Variants in HSF5 observed in about 807,000 individuals in gnomAD.
HSF5 encodes the protein heat shock transcription factor 5.
HSF5 carries 5 observed loss-of-function variants against 50.8 expected under a neutral mutation model. The ratio of observed to expected loss-of-function variants is 0.10; its 90% confidence interval spans 0.05 to 0.21. The LOEUF is 0.21. HSF5 is among the 10% of genes least tolerant of loss of function. The probability of loss-of-function intolerance (pLI) is 1.00; values close to 1 mark genes in which losing one functional copy is unlikely to be tolerated. For synonymous variants in HSF5, 307 were observed against 307.4 expected (o/e 1.00, Z 0.02); for missense variants, 564 against 762.6 (o/e 0.74, Z 3.07).
intron 4 of HSF5, 73 bp from the exon 5 acceptor site, chr17:58,459,018 A>AG: frequency 1.5e-6 from 2 of 1,356,826 alleles, no homozygotes; most frequent in Non-Finnish European, 2.0e-6. Flanking sequence ...ATTTTATCAG[A>AG]GGAGTTCTAT....
chr17:58,428,275 A>G (rs551406404), intron 5 of HSF5, among the ~76,000 whole-genome samples: 10 of 152,350 alleles, frequency 6.6e-5, no homozygotes, highest in African/African-American at 2.2e-4. Context: ...TTGTTATTAT[A>G]GTTCTCAAAA....
chr17:58,431,339 A>G (rs912521895), intron 5 of HSF5, among the ~76,000 whole-genome samples: 8 of 152,230 alleles, frequency 5.3e-5, no homozygotes, highest in African/African-American at 1.7e-4. Context: ...GCAAGTTACT[A>G]TGCTGAACAC....
At chr17:58,461,243 AAC>A in intron 4 of HSF5, among the ~76,000 whole-genome samples, 1 of 151,258 alleles carries the variant, frequency 6.6e-6, no homozygotes, top group Admixed American at 6.6e-5. Context: ...CAACAACAAC[AAC>A]AACAACAACA....
chr17:58,439,190 C>T (rs1471071904), intron 5 of HSF5, among the ~76,000 whole-genome samples: 26 of 151,276 alleles, frequency 1.7e-4, no homozygotes, highest in Admixed American at 1.7e-3. Flanking sequence ...TAAGCTAAGC[C>T]CAACAGTTGA....
Position 58,463,225 on chromosome 17 carries a change from T to C in HSF5, c.1099A>G (p.Lys367Glu), listed in dbSNP as rs1408492604. The change falls in exon 4 of 6, where the codon AAG (lysine) becomes GAG (glutamate). Residue 367 changes from lysine to glutamate, a missense_variant. Physicochemically the swap from Lys to Glu is moderately conservative, Grantham distance 56. Transcript: ENST00000323777. ...ACAGCCTCTAGGTTTACTTCTGTCT[T>C]TGTATTTTCATCAGTAGTACTGCAG... ...WPCSTTDENT[K>E]TEVNLEAVFQ... 6.2e-7 allele frequency: 1 copy of C among 1,614,164 alleles called. No homozygotes were observed. Among genetic ancestry groups the C allele is most frequent in the Admixed American group, 1.7e-5 (1 of 60,028 alleles).
At position 58,461,643 on chromosome 17, in the gene HSF5, A is replaced by G. The variant is rs568517060; in HGVS notation, c.1542+1139T>C. Among the ~76,000 whole-genome samples, 8 of 152,316 alleles carry G rather than the reference A, an allele frequency of 5.3e-5. No homozygotes were observed. The South Asian group carries it at 1.7e-3, about 32-fold the overall frequency. On this transcript the variant is annotated intron_variant, in intron 4 of 5. Coordinates refer to ENST00000323777, the MANE Select transcript of HSF5 (RefSeq NM_001080439.3). ...TCCCAGCACTGTGGGAGGCCAAGGC[A>G]GGTGGATCACCTGAGGTCAGGAGTT...
chr17:58,463,023 G>A lies in HSF5; in HGVS notation c.1301C>T (p.Pro434Leu), dbSNP rs745618048. The change falls in exon 4 of 6, where the codon CCT becomes CTT. Residue 434 changes from proline (P) to leucine (L), a missense_variant. Around this residue, in one of 5 missense-constraint regions of HSF5, gnomAD observed 441 missense variants for 533.6 expected, o/e 0.83. Transcript: ENST00000323777. ...SQASQLEPLTPVGSDIMSFVV... is the reference protein window; with the variant it reads ...SQASQLEPLTLVGSDIMSFVV... The stretch of plus-strand genomic sequence containing the variant: ...AAAAGACATAATATCTGAGCCTACA[G>A]GAGTAAGTGGCTCCAGCTGGCTAGC... 1 of 1,614,214 alleles carries A rather than the reference G, an allele frequency of 6.2e-7. No homozygotes were observed. The highest frequency in any genetic ancestry group is 1.7e-5 in the Admixed American group (1 of 60,020).
chr17:58,420,852 C>A lies in HSF5; in HGVS notation c.*1508G>T, dbSNP rs796291613. ...TCACTGCAGATCAATACAGAGCTCA[C>A]CCTTTTCCAGAAAAGTAGATCTCTG... On this transcript the variant is annotated 3_prime_UTR_variant, in exon 6 of 6. Coordinates refer to ENST00000323777, the MANE Select transcript of HSF5 (RefSeq NM_001080439.3). 1.3e-5 allele frequency: 2 copies of A among 152,354 alleles called. No individual in the cohort carries two copies. Among genetic ancestry groups the A allele is most frequent in the Admixed American group, 6.5e-5 (1 of 15,282 alleles). The allele number at this position is 152,354 out of a possible 1,614,324, so 9.4% of individuals were successfully genotyped here. A position where few individuals can be genotyped will look rare whatever the true frequency, so the allele number is the denominator to read the frequency against.
At chr17:58,476,829 C>T (rs1160150189) in intron 2 of HSF5, 2 of 1,544,008 alleles carry the variant, frequency 1.3e-6, no homozygotes, top group Admixed American at 1.7e-5. Flanking sequence ...CTGTCTATTT[C>T]ATTTTGGATT....
At position 58,488,116 on chromosome 17, in the gene HSF5, C is replaced by A. The variant is rs748651984; in HGVS notation, c.159G>T (p.Pro53=). The change falls in exon 1 of 6, where the codon CCG becomes CCT. Residue 53 remains proline (P), a synonymous_variant. Coordinates refer to ENST00000323777, the MANE Select transcript of HSF5 (RefSeq NM_001080439.3). The surrounding 1 kb of genome is among the most constrained non-coding windows in gnomAD (Gnocchi z 4.1). ...QPLFEAELLS[P]PGPGGGGGTA... ...TCCCGCCACCGCCCCCCGGCCCGGGCGGGCTGAGCAGCTCGGCCTCGAAGA... is the reference window on the plus strand; with the variant it reads ...TCCCGCCACCGCCCCCCGGCCCGGGAGGGCTGAGCAGCTCGGCCTCGAAGA... 1 of 1,572,140 alleles carries A rather than the reference C, an allele frequency of 6.4e-7. No individual in the cohort carries two copies. The highest frequency in any genetic ancestry group is 1.1e-5 in the South Asian group (1 of 88,128).
intron 5 of HSF5, among the ~76,000 whole-genome samples, chr17:58,440,136 G>A (rs572394155): frequency 6.6e-6 from 1 of 152,332 alleles, no homozygotes; most frequent in Admixed American, 6.5e-5. Flanking sequence ...GAATGACTGG[G>A]CTGAGTGTCA....
intron 5 of HSF5, among the ~76,000 whole-genome samples, chr17:58,446,928 T>G (rs983428896): frequency 3.9e-5 from 6 of 152,100 alleles, no homozygotes; most frequent in Non-Finnish European, 7.4e-5. Context: ...AGTTGGAGAC[T>G]AGCCTGACCA....
intron 2 of HSF5, chr17:58,477,065 C>T: frequency 4.1e-6 from 2 of 493,670 alleles, no homozygotes; most frequent in East Asian, 3.5e-5. Context: ...CTCCTCCCAG[C>T]GCTGCCCTCG....
At chr17:58,429,603 T>C (rs1348541991) in intron 5 of HSF5, among the ~76,000 whole-genome samples, 1 of 152,094 alleles carries the variant, frequency 6.6e-6, no homozygotes, top group Non-Finnish European at 1.5e-5. Flanking sequence ...CCCAACACTT[T>C]GGGGAGGCCG....
At chr17:58,431,499 C>T (rs1974364775) in intron 5 of HSF5, among the ~76,000 whole-genome samples, 1 of 152,010 alleles carries the variant, frequency 6.6e-6, no homozygotes, top group Non-Finnish European at 1.5e-5. Flanking sequence ...TCTTACGGGA[C>T]CACTGTTCCA....
intron 5 of HSF5, among the ~76,000 whole-genome samples, chr17:58,448,666 A>G (rs747695679): frequency 3.9e-5 from 6 of 152,246 alleles, no homozygotes; most frequent in African/African-American, 1.4e-4. Flanking sequence ...GGAGAGATAA[A>G]GATTTTCCCA....
At chr17:58,434,778 G>A (rs150159546) in intron 5 of HSF5, among the ~76,000 whole-genome samples, 87 of 152,232 alleles carry the variant, frequency 5.7e-4, no homozygotes, top group African/African-American at 2.0e-3. Context: ...TGCTTGAGCC[G>A]GGAAGTCGAG....
intron 5 of HSF5, among the ~76,000 whole-genome samples, chr17:58,448,623 C>T (rs1267081061): frequency 1.3e-5 from 2 of 152,118 alleles, no homozygotes; most frequent in African/African-American, 4.8e-5. Context: ...ATCAAGAATA[C>T]TGTACCTAGC....
chr17:58,488,333 C>G lies in HSF5; in HGVS notation c.-59G>C. On this transcript the variant is annotated 5_prime_UTR_variant, in exon 1 of 6. Coordinates refer to ENST00000323777, the MANE Select transcript of HSF5 (RefSeq NM_001080439.3). This position sits in a 1 kb window ranked among gnomAD's most constrained non-coding sequence, Gnocchi z 4.1. ...CTAGCTCTCCCACACCGTTCTCGAT[C>G]CCTCCCCGGCCTTCGCCTCGCCCTG... 1.5e-6 allele frequency: 2 copies of G among 1,377,446 alleles called. No individual in the cohort carries two copies. The highest frequency in any genetic ancestry group is 1.9e-6 in the Non-Finnish European group (2 of 1,073,604). 85.3% of individuals were successfully genotyped at this position (1,377,446 alleles called of 1,614,324 possible).
Sources: gnomAD v4.1 joint callset for allele counts (sites outside exome capture counted in the v4.1 genomes callset) on GRCh38, gnomAD v4.1.1 for gene constraint, gnomAD v4.1.1 regional missense constraint, Gnocchi (gnomAD v3.1) non-coding constraint, MANE v1.5 for transcripts, NCBI Gene and HGNC (gene_info 2026-07-23, HGNC 2026-07-21) for gene names.